MLXIP: variants seen among roughly 807,000 people sequenced by gnomAD.
MLXIP encodes MLX interacting protein, also known as MLX-interacting protein.
In MLXIP, 30 loss-of-function variants were observed where a neutral mutation model predicts 87.2. The ratio of observed to expected loss-of-function variants is 0.34; its 90% CI spans 0.26 to 0.47. The LOEUF (loss-of-function observed/expected upper bound fraction) is 0.47. Among genes scored for constraint, MLXIP ranks in the 20% least tolerant of loss-of-function variants. The pLI is 1.00. For missense variants in MLXIP, 1,002 were observed against 1,240.1 expected (o/e 0.81, Z 2.88); for synonymous variants, 530 against 514.0 (o/e 1.03, Z -0.42).
intron 1 of MLXIP, among the ~76,000 whole-genome samples, chr12:122,118,570 G>A (rs1408879603): frequency 2.6e-5 from 4 of 152,128 alleles, no homozygotes; most frequent in African/African-American, 9.7e-5. Flanking sequence ...ATACCAGGCC[G>A]GGCGCAGTGG....
intron 2 of MLXIP, 149 bp downstream of exon 2, chr12:122,127,511 C>T (rs1952900008): frequency 1.6e-6 from 1 of 635,350 alleles, no homozygotes. Flanking sequence ...CCATCAGGCC[C>T]AGCAGAGGGG....
At chr12:122,089,531 T>G (rs919620498) in intron 1 of MLXIP, among the ~76,000 whole-genome samples, 1 of 152,176 alleles carries the variant, frequency 6.6e-6, no homozygotes, top group Non-Finnish European at 1.5e-5. Flanking sequence ...CTTTCATCCG[T>G]TTGTAGTCAG....
In MLXIP at chr12:122,141,538, G is replaced by A. The variant is rs910935468; in HGVS notation, c.2639-153G>A. The A allele has an allele frequency of 9.7e-6, 8 of 823,380 alleles. No homozygotes were observed. In the African/African-American group the frequency reaches 1.3e-4, roughly 13 times the overall value. 51.0% of individuals were successfully genotyped at this position (823,380 alleles called of 1,614,324 possible). ...CAGAGGGGTGAGTGCCCAGGTCTCGGTGTCGGCCCCTGGCACTCCTCCCTG... is the reference window on the plus strand; with the variant it reads ...CAGAGGGGTGAGTGCCCAGGTCTCGATGTCGGCCCCTGGCACTCCTCCCTG... On this transcript the variant is annotated intron_variant, in intron 16 of 16. Transcript: ENST00000319080.
chr12:122,116,047 T>C (rs899202417), intron 1 of MLXIP, among the ~76,000 whole-genome samples: 1 of 114,594 alleles, frequency 8.7e-6, no homozygotes. Context: ...CGAGACTCCA[T>C]CTGAAAACAC....
At chr12:122,110,280 C>A (rs1565970034) in intron 1 of MLXIP, among the ~76,000 whole-genome samples, 1 of 151,908 alleles carries the variant, frequency 6.6e-6, no homozygotes, top group Non-Finnish European at 1.5e-5. Context: ...TGGGGAGATG[C>A]TTATCTCTCT....
rs528028662 is a variant in MLXIP, at chr12:122,141,703, C to T, written c.2651C>T (p.Thr884Met). 2.9e-5 allele frequency: 46 copies of T among 1,613,746 alleles called. No homozygotes were observed. Among genetic ancestry groups the T allele is most frequent in the African/African-American group, 8.0e-5 (6 of 75,046 alleles). The change falls in exon 17 of 17, where the codon ACG becomes ATG. Residue 884 changes from threonine (T) to methionine (M), a missense_variant. Physicochemically the swap from Thr to Met is moderately conservative, Grantham distance 81. Coordinates refer to ENST00000319080, the MANE Select transcript of MLXIP (RefSeq NM_014938.6). ...TTCTGTCTTGCAGTGGTATTGAGCA[C>T]GCTGCGGCAGCTGAGCACCTCCACC... is the stretch of plus-strand genomic sequence containing the variant. ...LPILRPMVLS[T>M]LRQLSTSTSI...
intron 1 of MLXIP, among the ~76,000 whole-genome samples, chr12:122,119,924 C>T (rs1255351024): frequency 6.6e-6 from 1 of 152,120 alleles, no homozygotes; most frequent in South Asian, 2.1e-4. Flanking sequence ...ATTGTTTTTG[C>T]CCATCATTCT....
chr12:122,130,909 A>G lies in MLXIP; in HGVS notation c.976A>G (p.Met326Val), dbSNP rs1473035238. ...TCCTTTGCAGCCTAACCTGGACTTCATGGACACCTTTGAGCCTTTCCAGGG... is the reference window on the plus strand; with the variant it reads ...TCCTTTGCAGCCTAACCTGGACTTCGTGGACACCTTTGAGCCTTTCCAGGG... The part of the protein sequence containing the change: ...LIPLQPNLDF[M>V]DTFEPFQDLF... The change falls in exon 7 of 17, where the codon ATG becomes GTG. Residue 326 changes from methionine to valine, a missense_variant. This residue lies in a region of MLXIP where 746 missense variants were observed against 897.0 expected (regional missense o/e 0.83). Coordinates refer to ENST00000319080, the MANE Select transcript of MLXIP (RefSeq NM_014938.6). 5.6e-6 allele frequency: 9 copies of G among 1,613,550 alleles called. No individual in the cohort carries two copies. Among genetic ancestry groups the G allele is most frequent in the Non-Finnish European group, 6.8e-6 (8 of 1,179,612 alleles).
chr12:122,142,211 C>G lies in MLXIP; in HGVS notation c.*399C>G. 2 of 700,426 alleles carry G rather than the reference C, an allele frequency of 2.9e-6. No individual in the cohort carries two copies. Among genetic ancestry groups the G allele is most frequent in the Non-Finnish European group, 5.2e-6 (2 of 384,462 alleles). 43.4% of individuals were successfully genotyped at this position (700,426 alleles called of 1,614,324 possible). On this transcript the variant is annotated 3_prime_UTR_variant, in exon 17 of 17. Transcript: ENST00000319080. ...CCTGTCCTGAGGCCCAGCCTTGTCC[C>G]TCCTGCCACGTCCTGTCCACATGCA...
chr12:122,133,581 C>A lies in MLXIP; in HGVS notation c.1326C>A (p.Ala442=). ...FTMPLLSPSP[A]PPPISPVLPL... is the part of the protein sequence containing the mutation. ...TGCCCCTGCTGTCTCCCAGCCCCGC[C>A]CCACCGCCCATCTCCCCCGTGTTAC... Residue 442 remains alanine (A), a synonymous_variant, in exon 9 of 17, where the codon GCC becomes GCA. Transcript: ENST00000319080. This position sits in a 1 kb window ranked among gnomAD's most constrained non-coding sequence, Gnocchi z 4.9. 6.2e-7 allele frequency: 1 copy of A among 1,606,526 alleles called. No homozygotes were observed. The highest frequency in any genetic ancestry group is 2.3e-5 in the East Asian group (1 of 44,314).
Position 122,079,042 on chromosome 12 carries a change from C to G in MLXIP, c.189C>G (p.Ala63=). The change falls in exon 1 of 17, where the codon GCC becomes GCG. Residue 63 remains alanine (A), a synonymous_variant. Coordinates refer to ENST00000319080, the MANE Select transcript of MLXIP (RefSeq NM_014938.6). ...GCGCCGCGCCACCGCCGCCTCGGGC[C>G]GGGCCGGGCCGCGAGGAACCTCCGC... is the stretch of plus-strand genomic sequence containing the variant. The part of the protein sequence containing the change: ...HASAAPPPPR[A]GPGREEPPRR... 2.7e-6 allele frequency: 4 copies of G among 1,465,368 alleles called. No homozygotes were observed. The highest frequency in any genetic ancestry group is 3.6e-6 in the Non-Finnish European group (4 of 1,110,260). 90.8% of individuals were successfully genotyped at this position (1,465,368 alleles called of 1,614,324 possible). A position where few individuals can be genotyped will look rare whatever the true frequency, so the allele number is the denominator to read the frequency against.
At chr12:122,093,352 GTT>G (rs1456000805) in intron 1 of MLXIP, among the ~76,000 whole-genome samples, 4 of 148,328 alleles carry the variant, frequency 2.7e-5, no homozygotes, top group African/African-American at 1.0e-4. Flanking sequence ...TATTGTGTGT[GTT>G]GGTGTGTGGT....
intron 1 of MLXIP, 110 bp from the exon 2 acceptor site, chr12:122,127,145 TG>T (rs1952894202): frequency 3.6e-6 from 3 of 828,820 alleles, no homozygotes; most frequent in Admixed American, 2.0e-5. Flanking sequence ...GGTGTATGGC[TG>T]GGGGTGGATC....
chr12:122,110,595 G>A (rs949994194), intron 1 of MLXIP, among the ~76,000 whole-genome samples: 5 of 151,586 alleles, frequency 3.3e-5, no homozygotes, highest in African/African-American at 9.7e-5. Flanking sequence ...CCTGGGAGAC[G>A]CTTATCTTTA....
At chr12:122,124,584 C>T (rs11057905) in intron 1 of MLXIP, among the ~76,000 whole-genome samples, 64,424 of 148,716 alleles carry the variant, frequency 0.43, 14,296 homozygotes, top group Middle Eastern at 0.62. Context: ...AGGGCACCGG[C>T]GTCACCTTTT....
At position 122,145,517 on chromosome 12, in the gene MLXIP, C is replaced by G. The variant is rs906318018; in HGVS notation, c.*3705C>G. On this transcript the variant is annotated 3_prime_UTR_variant, in exon 17 of 17. Transcript: ENST00000319080. The stretch of plus-strand genomic sequence containing the variant: ...GGGGCTTACACACCCACCTCATCTC[C>G]GTGCACAGCCATGACTGGCCCTGCC... 5 of 152,338 alleles carry G rather than the reference C, an allele frequency of 3.3e-5. No homozygotes were observed. Among genetic ancestry groups the G allele is most frequent in the African/African-American group, 9.6e-5 (4 of 41,454 alleles). 9.4% of individuals were successfully genotyped at this position (152,338 alleles called of 1,614,324 possible).
At position 122,144,080 on chromosome 12, in the gene MLXIP, C is replaced by G. The variant is rs770436958; in HGVS notation, c.*2268C>G. On this transcript the variant is annotated 3_prime_UTR_variant, in exon 17 of 17. Coordinates refer to ENST00000319080, the MANE Select transcript of MLXIP (RefSeq NM_014938.6). ...AGGTTTTCTTGTTTTCGAATCTTGC[C>G]TGATGAATCCAGCCAGACCAAGGGG... is the stretch of plus-strand genomic sequence containing the variant. 6.6e-6 allele frequency: 1 copy of G among 152,654 alleles called. No homozygotes were observed. Among genetic ancestry groups the G allele is most frequent in the African/African-American group, 2.4e-5 (1 of 41,440 alleles). 9.5% of individuals were successfully genotyped at this position (152,654 alleles called of 1,614,324 possible). A position where few individuals can be genotyped will look rare whatever the true frequency, so the allele number is the denominator to read the frequency against.
intron 1 of MLXIP, among the ~76,000 whole-genome samples, chr12:122,093,890 CAT>C (rs1491141768): frequency 7.0e-5 from 5 of 71,092 alleles, no homozygotes; most frequent in African/African-American, 1.2e-4. Flanking sequence ...TGTGTGTTGG[CAT>C]GTGTGTGTGG....
In MLXIP at chr12:122,104,396, C is replaced by T. The variant is rs1327139622; in HGVS notation, c.414-22860C>T. On this transcript the variant is annotated intron_variant, in intron 1 of 16. Coordinates refer to ENST00000319080, the MANE Select transcript of MLXIP (RefSeq NM_014938.6). ...TAAATAGAATCAGACAGTTTGTATC[C>T]TTGTGTCTCGCTTCCTTTGTTCGGC... Among the ~76,000 whole-genome samples the T allele has an allele frequency of 2.0e-5, 3 of 152,098 alleles. No individual in the cohort carries two copies. The East Asian group carries it at 5.8e-4, about 29-fold the overall frequency.
Sources: gnomAD v4.1 joint callset for allele counts (sites outside exome capture counted in the v4.1 genomes callset) on GRCh38, gnomAD v4.1.1 for gene constraint, gnomAD v4.1.1 regional missense constraint, Gnocchi (gnomAD v3.1) non-coding constraint, MANE v1.5 for transcripts, NCBI Gene and HGNC (gene_info 2026-07-23, HGNC 2026-07-21) for gene names.